ZHX2: variants seen among roughly 807,000 people sequenced by gnomAD.
ZHX2 encodes zinc fingers and homeoboxes protein 2.
In ZHX2, 6 loss-of-function variants were observed where a neutral mutation model predicts 21.9. The ratio of observed to expected loss-of-function variants is 0.27; its 90% CI spans 0.15 to 0.54. The LOEUF (loss-of-function observed/expected upper bound fraction) is 0.54. Among genes scored for constraint, ZHX2 ranks in the 20% least tolerant of loss-of-function variants. The pLI is 0.95. For synonymous variants in ZHX2, 434 were observed against 437.1 expected, an observed-to-expected ratio of 0.99 and a Z score of 0.09; for missense variants, 908 against 1,090.7, an observed-to-expected ratio of 0.83 and a Z score of 2.36.
At chr8:122,787,699 G>A (rs559717876) in intron 1 of ZHX2, among the ~76,000 whole-genome samples, 1 of 152,204 alleles carries the variant, frequency 6.6e-6, no homozygotes, top group African/African-American at 2.4e-5. Flanking sequence ...GGGCCCAGGG[G>A]CCACTTGTGA....
At chr8:122,839,706 G>T (rs1013477850) in intron 1 of ZHX2, among the ~76,000 whole-genome samples, 8 of 152,170 alleles carry the variant, frequency 5.3e-5, no homozygotes, top group Non-Finnish European at 2.9e-5. Flanking sequence ...GTGGCACGGG[G>T]TGGCATGGGA....
intron 2 of ZHX2, among the ~76,000 whole-genome samples, chr8:122,917,715 C>T (rs1435458406): frequency 6.6e-6 from 1 of 152,114 alleles, no homozygotes; most frequent in Admixed American, 6.5e-5. Flanking sequence ...GTTACTTCCC[C>T]CAAAACCCCT....
intron 1 of ZHX2, among the ~76,000 whole-genome samples, chr8:122,847,774 C>T (rs1450562214): frequency 6.6e-6 from 1 of 152,222 alleles, no homozygotes; most frequent in East Asian, 1.9e-4. Flanking sequence ...CCACCAGCAC[C>T]CAGCACCACA....
chr8:122,893,028 AT>A (rs1225273507), intron 2 of ZHX2, among the ~76,000 whole-genome samples: 2 of 152,064 alleles, frequency 1.3e-5, no homozygotes, highest in Non-Finnish European at 2.9e-5. Context: ...GATTTCCCTC[AT>A]TTTTTGCTTA....
rs1162975645 is a variant in ZHX2, at chr8:122,953,022, A to T, written c.1512A>T (p.Glu504Asp). The T allele has an allele frequency of 6.2e-7, 1 of 1,613,946 alleles. No individual in the cohort carries two copies. The highest frequency in any genetic ancestry group is 1.7e-5 in the Admixed American group (1 of 60,008). ...CQRGIVHITS[E>D]SLAKDQLAIA... is the part of the protein sequence containing the mutation. ...GGGGCATCGTCCACATCACCAGCGA[A>T]TCCCTTGCCAAAGACCAGTTGGCCA... Residue 504 changes from glutamate to aspartate, a missense_variant, in exon 3 of 4, where the codon GAA (glutamate) becomes GAT (aspartate). Around this residue, in one of 4 missense-constraint regions of ZHX2, gnomAD observed 232 missense variants for 361.8 expected, o/e 0.64. Transcript: ENST00000314393. This position sits in a 1 kb window ranked among gnomAD's most constrained non-coding sequence, Gnocchi z 4.6.
rs545472744 is a variant in ZHX2, at chr8:122,784,157, T to C, written c.-283+2211T>C. 3.3e-5 allele frequency among the ~76,000 whole-genome samples: 5 copies of C among 152,352 alleles called. No homozygotes were observed. The South Asian group carries it at 1.0e-3, about 32-fold the overall frequency. Reference sequence around the variant, plus strand: ...CAGTGTATCTTGACATGCTGAAAGGTGGCCCCACCCGGCGTTTCTCATCCA... The same window carrying C: ...CAGTGTATCTTGACATGCTGAAAGGCGGCCCCACCCGGCGTTTCTCATCCA... On this transcript the variant is annotated intron_variant, in intron 1 of 3. Coordinates refer to ENST00000314393, the MANE Select transcript of ZHX2 (RefSeq NM_014943.5).
At position 122,785,749 on chromosome 8, in the gene ZHX2, G is replaced by A. The variant is rs138127162; in HGVS notation, c.-283+3803G>A. Among the ~76,000 whole-genome samples, 123 of 152,320 alleles carry A rather than the reference G, an allele frequency of 8.1e-4. 1 individual carries two copies. The highest frequency in any genetic ancestry group is 1.1e-3 in the Non-Finnish European group (76 of 68,028). On this transcript the variant is annotated intron_variant, in intron 1 of 3. Coordinates refer to ENST00000314393, the MANE Select transcript of ZHX2 (RefSeq NM_014943.5). ...GGGCATGTGCCGCCTGAGAAAGAAGGGCCCTGGGAGCAGTGGACAGGTACC... is the reference window on the plus strand; with the variant it reads ...GGGCATGTGCCGCCTGAGAAAGAAGAGCCCTGGGAGCAGTGGACAGGTACC...
chr8:122,875,226 T>G (rs890396083), intron 2 of ZHX2, among the ~76,000 whole-genome samples: 6 of 129,282 alleles, frequency 4.6e-5, no homozygotes, highest in African/African-American at 1.6e-4. Flanking sequence ...TCTCTTGTCT[T>G]TTCTCAGAAG....
chr8:122,798,662 A>C (rs929925577), intron 1 of ZHX2, among the ~76,000 whole-genome samples: 3 of 152,130 alleles, frequency 2.0e-5, no homozygotes, highest in Admixed American at 2.0e-4. Flanking sequence ...ATGCACCTCT[A>C]GTCCCAGCTA....
chr8:122,917,748 C>G (rs1444033590), intron 2 of ZHX2, among the ~76,000 whole-genome samples: 1 of 152,174 alleles, frequency 6.6e-6, no homozygotes, highest in Non-Finnish European at 1.5e-5. Context: ...TTTAAAAAAT[C>G]ACTATCAAGC....
rs1040670495 is a variant in ZHX2 at position 122,973,482 on chromosome 8, A to G, written c.*245A>G. On this transcript the variant is annotated 3_prime_UTR_variant, in exon 4 of 4. Coordinates refer to ENST00000314393, the MANE Select transcript of ZHX2 (RefSeq NM_014943.5). ...CTGCGTTTTCAATGGGTCCTTGTAC[A>G]TAGTTTGCTCCTCTGCCCTAGCCCT... is the stretch of plus-strand genomic sequence containing the variant. The G allele has an allele frequency of 3.9e-5, 6 of 152,768 alleles. No homozygotes were observed. The highest frequency in any genetic ancestry group is 3.4e-3 in the Middle Eastern group (1 of 294). 9.5% of individuals were successfully genotyped at this position (152,768 alleles called of 1,614,324 possible).
chr8:122,892,354 G>C (rs1161943376), intron 2 of ZHX2, among the ~76,000 whole-genome samples: 1 of 152,080 alleles, frequency 6.6e-6, no homozygotes, highest in Non-Finnish European at 1.5e-5. Flanking sequence ...GCATATAGTT[G>C]GGTCTTGTGT....
At chr8:122,787,761 G>A (rs548482568) in intron 1 of ZHX2, among the ~76,000 whole-genome samples, 1 of 152,328 alleles carries the variant, frequency 6.6e-6, no homozygotes, top group African/African-American at 2.4e-5. Context: ...GGTTATGAAT[G>A]AGAGTTCCTG....
chr8:122,818,299 A>T (rs75954503), intron 1 of ZHX2, among the ~76,000 whole-genome samples: 4 of 74,572 alleles, frequency 5.4e-5, no homozygotes, highest in Non-Finnish European at 7.9e-5. Context: ...AAGGAAAATT[A>T]AAAAAAAAAA....
intron 1 of ZHX2, among the ~76,000 whole-genome samples, chr8:122,825,894 C>G (rs756943760): frequency 2.6e-5 from 4 of 152,206 alleles, no homozygotes; most frequent in Admixed American, 6.5e-5. Context: ...CCCTCTCCCC[C>G]TCTCTTTATT....
At chr8:122,949,020 C>G (rs1813044744) in intron 2 of ZHX2, among the ~76,000 whole-genome samples, 1 of 152,012 alleles carries the variant, frequency 6.6e-6, no homozygotes, top group Admixed American at 6.6e-5. Context: ...ATATAATATG[C>G]ACAACTAAAA....
At chr8:122,849,033 T>C (rs1818824436) in intron 1 of ZHX2, among the ~76,000 whole-genome samples, 1 of 152,158 alleles carries the variant, frequency 6.6e-6, no homozygotes, top group Non-Finnish European at 1.5e-5. Context: ...TTGGATAGAA[T>C]TCTCAGCAAA....
chr8:122,830,357 T>G (rs1279249770), intron 1 of ZHX2, among the ~76,000 whole-genome samples: 1 of 152,176 alleles, frequency 6.6e-6, no homozygotes, highest in Non-Finnish European at 1.5e-5. Flanking sequence ...CTGGCACAAG[T>G]AGCCTTGCAC....
At chr8:122,879,086 G>A (rs554952935) in intron 2 of ZHX2, among the ~76,000 whole-genome samples, 2 of 152,188 alleles carry the variant, frequency 1.3e-5, no homozygotes, top group Non-Finnish European at 2.9e-5. Context: ...GCACTGCCTC[G>A]GAACTCAAGG....
Sources: allele counts gnomAD v4.1 joint callset (sites outside exome capture counted in the v4.1 genomes callset), GRCh38; gene constraint gnomAD v4.1.1; regional missense constraint gnomAD v4.1.1; non-coding constraint Gnocchi (gnomAD v3.1); transcripts MANE v1.5; gene names NCBI Gene and HGNC (gene_info 2026-07-23, HGNC 2026-07-21).